BNIP3L: variants seen among roughly 807,000 people sequenced by gnomAD.
BNIP3L encodes BCL2 interacting protein 3 like, also known as BCL2/adenovirus E1B 19 kDa protein-interacting protein 3-like.
In BNIP3L, 10 loss-of-function variants were observed where a neutral mutation model predicts 25.5. That is an observed-to-expected ratio of 0.39 (90% CI 0.24 to 0.67). The LOEUF (loss-of-function observed/expected upper bound fraction) is 0.67, where lower values mean the gene tolerates loss of function less well. Among genes scored for constraint, BNIP3L ranks in the 30% least tolerant of loss-of-function variants. The probability of loss-of-function intolerance (pLI) is 0.45; values close to 1 mark genes in which losing one functional copy is unlikely to be tolerated. For synonymous variants in BNIP3L, 113 were observed against 101.2 expected (o/e 1.12, Z -0.70); for missense variants, 215 against 270.9 (o/e 0.79, Z 1.45).
chr8:26,402,216 A>AT (rs559696270), intron 3 of BNIP3L, among the ~76,000 whole-genome samples: 140 of 152,288 alleles, frequency 9.2e-4, no homozygotes, highest in Middle Eastern at 6.8e-3. Flanking sequence ...ACACAAATTT[A>AT]TTTTATGATG....
At chr8:26,394,686 A>G (rs1023113735) in intron 2 of BNIP3L, among the ~76,000 whole-genome samples, 3 of 152,242 alleles carry the variant, frequency 2.0e-5, no homozygotes, top group African/African-American at 7.2e-5. Flanking sequence ...GTGCTATCAC[A>G]CATCATGTAG....
At position 26,412,627 on chromosome 8, in the gene BNIP3L, T is replaced by C. The variant is rs1806655050; in HGVS notation, c.*2215T>C. 6.6e-6 allele frequency: 1 copy of C among 152,670 alleles called. No homozygotes were observed. Among genetic ancestry groups the C allele is most frequent in the African/African-American group, 2.4e-5 (1 of 41,472 alleles). 9.5% of individuals were successfully genotyped at this position (152,670 alleles called of 1,614,324 possible). ...TATGAGAGCATGTAGTATGTATCTGTAGCCCTAACACATGGGATGAACGTT... is the reference window on the plus strand; with the variant it reads ...TATGAGAGCATGTAGTATGTATCTGCAGCCCTAACACATGGGATGAACGTT... On this transcript the variant is annotated 3_prime_UTR_variant, in exon 6 of 6. Coordinates refer to ENST00000380629, the MANE Select transcript of BNIP3L (RefSeq NM_004331.3).
At chr8:26,409,676 G>A (rs758829485) in intron 5 of BNIP3L, among the ~76,000 whole-genome samples, 1 of 152,146 alleles carries the variant, frequency 6.6e-6, no homozygotes, top group Middle Eastern at 3.2e-3. Context: ...ATACCTTGCC[G>A]TCTCTCTTTC....
At chr8:26,403,087 T>A (rs373951176) in intron 3 of BNIP3L, among the ~76,000 whole-genome samples, 1 of 152,134 alleles carries the variant, frequency 6.6e-6, no homozygotes, top group South Asian at 2.1e-4. Context: ...CAGGACCAAA[T>A]CCCTAAAAGA....
chr8:26,404,927 G>C (rs1806464989), intron 3 of BNIP3L, among the ~76,000 whole-genome samples: 1 of 152,160 alleles, frequency 6.6e-6, no homozygotes, highest in African/African-American at 2.4e-5. Context: ...GAATTGGAAG[G>C]CAGTTTAAAA....
intron 3 of BNIP3L, among the ~76,000 whole-genome samples, chr8:26,401,037 A>G (rs1806358291): frequency 7.2e-6 from 1 of 138,840 alleles, no homozygotes; most frequent in East Asian, 2.1e-4. Context: ...AACTAGAAAT[A>G]CCATTTGACC....
At chr8:26,395,483 T>A (rs1806213032) in intron 3 of BNIP3L, 181 bp downstream of exon 3, 2 of 610,166 alleles carry the variant, frequency 3.3e-6, no homozygotes, top group Non-Finnish European at 5.4e-6. Context: ...CAACTAAGGA[T>A]TTTGGGCCCT....
intron 3 of BNIP3L, among the ~76,000 whole-genome samples, chr8:26,406,955 C>G (rs1320398543): frequency 6.6e-6 from 1 of 151,380 alleles, no homozygotes; most frequent in Non-Finnish European, 1.5e-5. Context: ...TTAGCATATC[C>G]TTTTATTTCC....
intron 3 of BNIP3L, among the ~76,000 whole-genome samples, chr8:26,400,279 A>G (rs1400004666): frequency 6.6e-5 from 10 of 150,702 alleles, no homozygotes; most frequent in Admixed American, 6.6e-4. Flanking sequence ...CAACTATCTG[A>G]TCTTTGACAA....
chr8:26,392,941 T>C (rs1380362351), intron 2 of BNIP3L, among the ~76,000 whole-genome samples: 1 of 152,118 alleles, frequency 6.6e-6, no homozygotes, highest in Non-Finnish European at 1.5e-5. Flanking sequence ...GGTGCAGTTT[T>C]ACGTGTGACT....
Position 26,408,608 on chromosome 8 carries a change from A to G in BNIP3L, c.611+232A>G, listed in dbSNP as rs1806550287. 2.0e-5 allele frequency among the ~76,000 whole-genome samples: 3 copies of G among 152,212 alleles called. 1 individual carries two copies. In the South Asian group the frequency reaches 6.2e-4, roughly 31 times the overall value. ...GATGTTTGGCCTGGTGTGGTGGCTC[A>G]TGCCAGTAATCCCAGCACTTTGGGA... On this transcript the variant is annotated intron_variant, in intron 5 of 5. Transcript: ENST00000380629.
intron 3 of BNIP3L, among the ~76,000 whole-genome samples, chr8:26,396,995 A>G (rs1329522828): frequency 2.6e-4 from 12 of 46,714 alleles, no homozygotes. Context: ...TCTACGTCTG[A>G]TTGGTGTACC....
At chr8:26,384,093 C>T (rs988478032) in intron 1 of BNIP3L, among the ~76,000 whole-genome samples, 1 of 152,148 alleles carries the variant, frequency 6.6e-6, no homozygotes, top group Admixed American at 6.5e-5. Flanking sequence ...CATAACATTC[C>T]GCTGCCCAGA....
intron 1 of BNIP3L, among the ~76,000 whole-genome samples, chr8:26,387,277 T>TAA (rs1806012540): frequency 6.6e-6 from 1 of 152,202 alleles, no homozygotes. Context: ...CTGAATCTCT[T>TAA]AGTCATTCCC....
intron 5 of BNIP3L, among the ~76,000 whole-genome samples, chr8:26,409,317 C>T (rs774119326): frequency 1.3e-5 from 2 of 151,922 alleles, no homozygotes; most frequent in African/African-American, 4.8e-5. Context: ...TTTTTCAAGA[C>T]GTATGTTGTG....
intron 2 of BNIP3L, among the ~76,000 whole-genome samples, chr8:26,392,468 A>G (rs1305497740): frequency 6.6e-6 from 1 of 152,238 alleles, no homozygotes; most frequent in Non-Finnish European, 1.5e-5. Context: ...AAAAAGGAGA[A>G]ATGAGTTAAA....
At chr8:26,401,561 T>TAA (rs1173522728) in intron 3 of BNIP3L, among the ~76,000 whole-genome samples, 1 of 48,540 alleles carries the variant, frequency 2.1e-5, no homozygotes, top group Non-Finnish European at 4.3e-5. Context: ...AAACTTAAAT[T>TAA]AAAAAAAAAA....
At chr8:26,383,277 C>G in intron 1 of BNIP3L, 47 bp downstream of exon 1, 1 of 1,567,096 alleles carries the variant, frequency 6.4e-7, no homozygotes, top group Non-Finnish European at 8.7e-7. Context: ...GGAGGAGGAG[C>G]AGCCCCGGCC....
intron 3 of BNIP3L, among the ~76,000 whole-genome samples, chr8:26,398,955 C>T (rs1806309099): frequency 6.6e-6 from 1 of 151,096 alleles, no homozygotes; most frequent in East Asian, 2.0e-4. Context: ...AGTCCAGGAC[C>T]AGATGGATTC....
Sources: allele counts gnomAD v4.1 joint callset (sites outside exome capture counted in the v4.1 genomes callset), GRCh38; gene constraint gnomAD v4.1.1; transcripts MANE v1.5; gene names NCBI Gene and HGNC (gene_info 2026-07-23, HGNC 2026-07-21).